Variants in FDX1 observed in about 807,000 individuals in gnomAD.
FDX1 encodes the protein ferredoxin 1.
Under a neutral mutation model 14.9 loss-of-function variants are expected in FDX1, and 9 were observed. That is an observed-to-expected ratio of 0.60 (90% CI 0.36 to 1.05). FDX1 has a LOEUF of 1.05. Among genes scored for constraint, FDX1 ranks in the 50% least tolerant of loss-of-function variants. The probability of loss-of-function intolerance (pLI) is 0.01; values close to 1 mark genes in which losing one functional copy is unlikely to be tolerated. For missense variants in FDX1, 204 were observed against 237.2 expected, an observed-to-expected ratio of 0.86 and a Z score of 0.92; for synonymous variants, 92 against 99.4, an observed-to-expected ratio of 0.93 and a Z score of 0.44.
rs1163738139 is a variant in FDX1, at chr11:110,464,315, T to G, written c.*1847T>G. The G allele has an allele frequency of 6.6e-6, 1 of 152,244 alleles. No homozygotes were observed. Among genetic ancestry groups the G allele is most frequent in the Non-Finnish European group, 1.5e-5 (1 of 68,086 alleles). 9.4% of individuals were successfully genotyped at this position (152,244 alleles called of 1,614,324 possible). A position where few individuals can be genotyped will look rare whatever the true frequency, so the allele number is the denominator to read the frequency against. On this transcript the variant is annotated 3_prime_UTR_variant, in exon 4 of 4. Coordinates refer to ENST00000260270, the MANE Select transcript of FDX1 (RefSeq NM_004109.5). ...TAATTTATAAAGAAAAGAGATTTAT[T>G]TGGATCATGGTTCTGGAGGCTGGGA...
chr11:110,430,720 T>G (rs1467361891), intron 1 of FDX1, among the ~76,000 whole-genome samples: 1 of 152,210 alleles, frequency 6.6e-6, no homozygotes, highest in Non-Finnish European at 1.5e-5. Context: ...TGTCCTGGCC[T>G]GACACACCTG....
At chr11:110,440,727 C>CA (rs1419915033) in intron 2 of FDX1, among the ~76,000 whole-genome samples, 1 of 151,876 alleles carries the variant, frequency 6.6e-6, no homozygotes, top group Non-Finnish European at 1.5e-5. Context: ...TGATCTAACA[C>CA]AAAAAAAGGC....
In FDX1 at chr11:110,457,003, T is replaced by C. The variant is rs186702065; in HGVS notation, c.396T>C (p.Asp132=). 46 of 1,613,726 alleles carry C rather than the reference T, an allele frequency of 2.9e-5. No homozygotes were observed. The highest frequency in any genetic ancestry group is 1.7e-4 in the Middle Eastern group (1 of 6,060). ...HIYEKLDAIT[D]EENDMLDLAY... ...ATGAGAAGTTAGATGCAATCACTGA[T>C]GAGGAGAATGACATGCTCGATCTGG... Residue 132 remains aspartate (D), a synonymous_variant, in exon 3 of 4, where the codon GAT becomes GAC. Transcript: ENST00000260270.
chr11:110,435,996 C>A (rs772475820), intron 2 of FDX1, 38 bp downstream of exon 2: 1 of 1,558,850 alleles, frequency 6.4e-7, no homozygotes, highest in Admixed American at 2.1e-5. Flanking sequence ...ATAAGTGAAA[C>A]TGTTAGGTTT....
At chr11:110,457,086 G>A in intron 3 of FDX1, 39 bp downstream of exon 3, 1 of 1,578,614 alleles carries the variant, frequency 6.3e-7, no homozygotes, top group East Asian at 2.3e-5. Context: ...ATAATAATCT[G>A]GGAACATAGA....
Position 110,434,732 on chromosome 11 carries a change from T to G in FDX1, c.186-1102T>G, listed in dbSNP as rs552934028. Among the ~76,000 whole-genome samples the G allele has an allele frequency of 2.0e-3, 273 of 136,790 alleles. 2 individuals carry two copies. Among genetic ancestry groups the G allele is most frequent in the African/African-American group, 6.4e-3 (209 of 32,760 alleles). The allele number at this position is 136,790 out of a possible 152,430, so 89.7% of individuals were successfully genotyped here. A position where few individuals can be genotyped will look rare whatever the true frequency, so the allele number is the denominator to read the frequency against. ...TGTGTGATGACTTTTTTTGTTTTTT[T>G]TTTTTTTTTTTTTTTTGAGACAGGG... On this transcript the variant is annotated intron_variant, in intron 1 of 3. Transcript: ENST00000260270.
intron 2 of FDX1, among the ~76,000 whole-genome samples, chr11:110,448,789 A>T (rs945266750): frequency 2.6e-5 from 4 of 152,238 alleles, no homozygotes; most frequent in Non-Finnish European, 4.4e-5. Context: ...TTACTCTAGC[A>T]AAATCAGAAG....
intron 1 of FDX1, among the ~76,000 whole-genome samples, chr11:110,431,369 C>A (rs1174493631): frequency 6.6e-6 from 1 of 152,200 alleles, no homozygotes; most frequent in African/African-American, 2.4e-5. Context: ...TAGCAGGAAT[C>A]GAGAACTAGA....
intron 1 of FDX1, among the ~76,000 whole-genome samples, chr11:110,432,497 G>A (rs1946338196): frequency 1.3e-5 from 2 of 152,122 alleles, no homozygotes; most frequent in Non-Finnish European, 2.9e-5. Context: ...GATTTTGGAG[G>A]TGTTGGTGTA....
chr11:110,434,528 TC>T (rs754266638), intron 1 of FDX1, among the ~76,000 whole-genome samples: 3 of 151,862 alleles, frequency 2.0e-5, no homozygotes, highest in Non-Finnish European at 4.4e-5. Flanking sequence ...AGACGGGGTT[TC>T]GCCATGTTGG....
intron 1 of FDX1, 32 bp from the exon 2 acceptor site, chr11:110,435,802 T>A: frequency 6.5e-7 from 1 of 1,530,778 alleles, no homozygotes; most frequent in Non-Finnish European, 8.9e-7. Flanking sequence ...TTGAAATTAC[T>A]AAAAATACTA....
intron 2 of FDX1, among the ~76,000 whole-genome samples, chr11:110,438,578 A>C (rs1413707830): frequency 6.6e-6 from 1 of 152,146 alleles, no homozygotes; most frequent in Non-Finnish European, 1.5e-5. Flanking sequence ...AAGGTGTGCC[A>C]CCACGGCTAG....
At chr11:110,442,249 A>G (rs993013106) in intron 2 of FDX1, among the ~76,000 whole-genome samples, 4 of 152,194 alleles carry the variant, frequency 2.6e-5, no homozygotes, top group Non-Finnish European at 5.9e-5. Context: ...CAGAGTCCCT[A>G]TTGGGGCACC....
intron 2 of FDX1, among the ~76,000 whole-genome samples, chr11:110,443,007 A>C (rs11213402): frequency 0.32 from 49,051 of 152,018 alleles, 8,389 homozygotes; most frequent in African/African-American, 0.44. Context: ...TCTCTGCCTG[A>C]CGCCATCCAT....
At chr11:110,436,448 G>A (rs1286675201) in intron 2 of FDX1, among the ~76,000 whole-genome samples, 7 of 152,138 alleles carry the variant, frequency 4.6e-5, no homozygotes, top group Non-Finnish European at 1.0e-4. Context: ...TTCCTCAGGC[G>A]TACCCTGTAT....
chr11:110,448,525 G>A (rs1033201644), intron 2 of FDX1, among the ~76,000 whole-genome samples: 1 of 152,012 alleles, frequency 6.6e-6, no homozygotes, highest in Non-Finnish European at 1.5e-5. Context: ...TTTTCCCGTT[G>A]GCAAACACTC....
At chr11:110,453,012 G>A (rs1172236566) in intron 2 of FDX1, among the ~76,000 whole-genome samples, 1 of 152,134 alleles carries the variant, frequency 6.6e-6, no homozygotes, top group East Asian at 1.9e-4. Flanking sequence ...TCAGTGTGGT[G>A]GTGGTTACAC....
In FDX1 at chr11:110,449,914, C is replaced by T. The variant is rs548841211; in HGVS notation, c.311-7004C>T. On this transcript the variant is annotated intron_variant, in intron 2 of 3. Coordinates refer to ENST00000260270, the MANE Select transcript of FDX1 (RefSeq NM_004109.5). ...AAGTACTGGGATTACAGGCATGAGC[C>T]ACTGTGCTCGGCCTGTGCTAGAGAT... Among the ~76,000 whole-genome samples the T allele has an allele frequency of 1.2e-4, 19 of 152,354 alleles. No homozygotes were observed. The South Asian group carries it at 3.3e-3, about 27-fold the overall frequency.
intron 1 of FDX1, among the ~76,000 whole-genome samples, chr11:110,434,700 A>G (rs1281783565): frequency 1.3e-5 from 2 of 148,240 alleles, no homozygotes; most frequent in Non-Finnish European, 3.0e-5. Context: ...CATGTTTTTC[A>G]GAGAGCTGTG....
Sources: gnomAD v4.1 joint callset for allele counts (sites outside exome capture counted in the v4.1 genomes callset) on GRCh38, gnomAD v4.1.1 for gene constraint, MANE v1.5 for transcripts, NCBI Gene and HGNC (gene_info 2026-07-23, HGNC 2026-07-21) for gene names.